Variants in ZNF518B observed in about 807,000 individuals in gnomAD.
ZNF518B encodes the protein zinc finger protein 518B.
Under a neutral mutation model 56.3 loss-of-function variants are expected in ZNF518B, and 23 were observed. That is an observed-to-expected ratio of 0.41 (90% CI 0.29 to 0.58). ZNF518B has a LOEUF of 0.58. Among genes scored for constraint, ZNF518B ranks in the 20% least tolerant of loss-of-function variants. The pLI, the probability that ZNF518B is intolerant of heterozygous loss-of-function variation, is 0.32. For synonymous variants in ZNF518B, 529 were observed against 465.9 expected, an observed-to-expected ratio of 1.14 and a Z score of -1.74; for missense variants, 1,460 against 1,272.1, an observed-to-expected ratio of 1.15 and a Z score of -2.25.
At chr4:10,450,569 C>T (rs1464982626) in intron 2 of ZNF518B, among the ~76,000 whole-genome samples, 6 of 152,170 alleles carry the variant, frequency 3.9e-5, no homozygotes, top group East Asian at 3.9e-4. Context: ...TGTGTAAAAG[C>T]CTCTCAGCCC....
intron 2 of ZNF518B, among the ~76,000 whole-genome samples, chr4:10,447,999 G>A (rs899676851): frequency 4.6e-5 from 7 of 152,106 alleles, no homozygotes; most frequent in Admixed American, 1.3e-4. Flanking sequence ...CCCAGAATAT[G>A]GCAAACTAGG....
chr4:10,460,130 C>A (rs1715696480), upstream of ZNF518B, among the ~76,000 whole-genome samples: 1 of 151,748 alleles, frequency 6.6e-6, no homozygotes, highest in Non-Finnish European at 1.5e-5. Flanking sequence ...CATGGTGAAG[C>A]CCCGCCTCTA....
chr4:10,441,603 C>T lies in ZNF518B; in HGVS notation c.*1501G>A, dbSNP rs919840065. Reference sequence around the variant, plus strand: ...AGGGAAATGCAAGTTGGGGCTGCCTCGGGGTTGTGCCATCTGTGCTCTACC... The same window carrying T: ...AGGGAAATGCAAGTTGGGGCTGCCTTGGGGTTGTGCCATCTGTGCTCTACC... On this transcript the variant is annotated 3_prime_UTR_variant, in exon 3 of 3. Transcript: ENST00000326756. 1 of 152,610 alleles carries T rather than the reference C, an allele frequency of 6.6e-6. No homozygotes were observed. 9.5% of individuals were successfully genotyped at this position (152,610 alleles called of 1,614,324 possible).
Position 10,444,992 on chromosome 4 carries a change from C to A in ZNF518B, c.1337G>T (p.Ser446Ile). ...RSYDFIMPNSSVHNNGKSFIN... is the reference protein window; with the variant it reads ...RSYDFIMPNSIVHNNGKSFIN... ...GAAGGATTTTCCATTGTTGTGCACACTAGAATTTGGCATAATAAAATCATA... is the reference window on the plus strand; with the variant it reads ...GAAGGATTTTCCATTGTTGTGCACAATAGAATTTGGCATAATAAAATCATA... Residue 446 changes from serine (S) to isoleucine (I), a missense_variant, in exon 3 of 3, where the codon AGT becomes ATT. Ser to Ile is a moderately radical substitution (Grantham distance 142). Transcript: ENST00000326756. The A allele has an allele frequency of 1.2e-6, 2 of 1,614,126 alleles. No individual in the cohort carries two copies. Among genetic ancestry groups the A allele is most frequent in the Non-Finnish European group, 1.7e-6 (2 of 1,180,018 alleles).
chr4:10,444,834 C>T lies in ZNF518B; in HGVS notation c.1495G>A (p.Gly499Arg), dbSNP rs747594359. Residue 499 changes from glycine (G) to arginine (R), a missense_variant, in exon 3 of 3, where the codon GGA (glycine) becomes AGA (arginine). Transcript: ENST00000326756. ...VFKNSVLRSL[G>R]AASNPFPYKA... Reference sequence around the variant, plus strand: ...TATGGAAAAGGGTTTGATGCAGCTCCAAGACTACGTAAAACACTGTTTTTA... The same window carrying T: ...TATGGAAAAGGGTTTGATGCAGCTCTAAGACTACGTAAAACACTGTTTTTA... 5.6e-6 allele frequency: 9 copies of T among 1,613,836 alleles called. No individual in the cohort carries two copies. The highest frequency in any genetic ancestry group is 7.6e-6 in the Non-Finnish European group (9 of 1,179,990).
At chr4:10,456,223 GTTCA>G (rs1228068842) in intron 1 of ZNF518B, among the ~76,000 whole-genome samples, 1 of 151,534 alleles carries the variant, frequency 6.6e-6, no homozygotes, top group African/African-American at 2.4e-5. Flanking sequence ...TTGATAAATC[GTTCA>G]TTATTACAAT....
In ZNF518B at chr4:10,441,943, T is replaced by C. The variant is rs948466901; in HGVS notation, c.*1161A>G. Reference sequence around the variant, plus strand: ...GTTCCTGTAACTTTAGCAAAAACAGTGGGAGGTCTCCATTTTGTTGATTCC... The same window carrying C: ...GTTCCTGTAACTTTAGCAAAAACAGCGGGAGGTCTCCATTTTGTTGATTCC... On this transcript the variant is annotated 3_prime_UTR_variant, in exon 3 of 3. Coordinates refer to ENST00000326756, the MANE Select transcript of ZNF518B (RefSeq NM_053042.3). 2.0e-5 allele frequency: 3 copies of C among 152,196 alleles called. No homozygotes were observed. The highest frequency in any genetic ancestry group is 4.8e-5 in the African/African-American group (2 of 41,452). 9.4% of individuals were successfully genotyped at this position (152,196 alleles called of 1,614,324 possible).
chr4:10,443,218 C>T lies in ZNF518B; in HGVS notation c.3111G>A (p.Lys1037=). Residue 1037 remains lysine, a synonymous_variant, in exon 3 of 3, where the codon AAG becomes AAA. Coordinates refer to ENST00000326756, the MANE Select transcript of ZNF518B (RefSeq NM_053042.3). ...LPDDSSQCVF[K]CWFCGRLYED... ...CATACAGTCGCCCACAAAACCAGCA[C>T]TTAAATACACACTGTGAAGAATCAT... 1 of 1,614,218 alleles carries T rather than the reference C, an allele frequency of 6.2e-7. No homozygotes were observed. Among genetic ancestry groups the T allele is most frequent in the Non-Finnish European group, 8.5e-7 (1 of 1,180,024 alleles).
upstream of ZNF518B, among the ~76,000 whole-genome samples, chr4:10,458,728 G>T (rs1715647816): frequency 6.6e-6 from 1 of 152,178 alleles, no homozygotes; most frequent in Admixed American, 6.5e-5. Context: ...CTATCAGAGA[G>T]AATATGCCAG....
chr4:10,445,117 CTT>C lies in ZNF518B; in HGVS notation c.1210_1211del (p.Lys404ValfsTer5), dbSNP rs757820904. 3 of 1,614,034 alleles carry C rather than the reference CTT, an allele frequency of 1.9e-6. No homozygotes were observed. The highest frequency in any genetic ancestry group is 2.5e-6 in the Non-Finnish European group (3 of 1,180,020). On this transcript the variant is annotated frameshift_variant, in exon 3 of 3. Transcript: ENST00000326756. LOFTEE classifies it high-confidence loss of function. ...CAACATTCCCGTCAACTGTCAGTGA[CTT>C]TGTTTTTTCTGCAGAAAGTACTTTT... ...QEKVLSAEKT[K>X]SLTVDGNVGK...
upstream of ZNF518B, among the ~76,000 whole-genome samples, chr4:10,460,677 G>A (rs1715719105): frequency 6.6e-6 from 1 of 152,178 alleles, no homozygotes; most frequent in Non-Finnish European, 1.5e-5. Context: ...GGGGAGCTTG[G>A]GGCTCAGAGG....
chr4:10,457,528 G>A (rs1012889927), upstream of ZNF518B: 1 of 152,248 alleles, frequency 6.6e-6, no homozygotes, highest in Admixed American at 6.5e-5. Flanking sequence ...GGGCTTCTAA[G>A]CTGTCCAGAG....
In ZNF518B at chr4:10,443,283, CTTT is replaced by C; in HGVS notation, c.3043_3045del (p.Lys1015del). On this transcript the variant is annotated inframe_deletion, in exon 3 of 3. Transcript: ENST00000326756. The stretch of plus-strand genomic sequence containing the variant: ...ACTACCTGGTAGTTGTTTTTATGAA[CTTT>C]TTTGAGTTTCATTTTCAACATCATT... 6.2e-7 allele frequency: 1 copy of C among 1,614,086 alleles called. No homozygotes were observed. The highest frequency in any genetic ancestry group is 8.5e-7 in the Non-Finnish European group (1 of 1,179,994).
At chr4:10,446,964 T>C (rs1003314767) in intron 2 of ZNF518B, among the ~76,000 whole-genome samples, 16 of 152,256 alleles carry the variant, frequency 1.1e-4, no homozygotes, top group Non-Finnish European at 1.3e-4. Context: ...GCTAGGGCTT[T>C]GGCCTGGGGT....
intron 2 of ZNF518B, chr4:10,451,687 C>T (rs1055923130): frequency 1.3e-5 from 2 of 152,160 alleles, no homozygotes; most frequent in East Asian, 1.9e-4. Context: ...TTTGGTTATA[C>T]CGCCCGAAAG....
chr4:10,451,807 A>G (rs1715325014), intron 2 of ZNF518B: 1 of 152,204 alleles, frequency 6.6e-6, no homozygotes, highest in Non-Finnish European at 1.5e-5. Context: ...TACTCACTAC[A>G]ATTTAGGTTT....
intron 1 of ZNF518B, among the ~76,000 whole-genome samples, chr4:10,455,790 GCT>G (rs1293590087): frequency 1.3e-5 from 2 of 152,128 alleles, no homozygotes. Flanking sequence ...ATTTTTGAAG[GCT>G]AAATTTGATC....
Position 10,442,956 on chromosome 4 carries a change from G to A in ZNF518B, c.*148C>T. ...GGTCCAATCACATACTTCAGGTTCA[G>A]ACTCCTAGCTCCCAATATTCCTACA... On this transcript the variant is annotated 3_prime_UTR_variant, in exon 3 of 3. Coordinates refer to ENST00000326756, the MANE Select transcript of ZNF518B (RefSeq NM_053042.3). 1.4e-6 allele frequency: 1 copy of A among 710,258 alleles called. No individual in the cohort carries two copies. The allele number at this position is 710,258 out of a possible 1,614,324, so 44.0% of individuals were successfully genotyped here.
At chr4:10,453,365 G>C (rs1000680758) in intron 2 of ZNF518B, 7 of 152,240 alleles carry the variant, frequency 4.6e-5, no homozygotes, top group African/African-American at 1.7e-4. Context: ...GAGTTCATTA[G>C]TCGGCAGGAA....
Sources: gnomAD v4.1 joint callset for allele counts (sites outside exome capture counted in the v4.1 genomes callset) on GRCh38, gnomAD v4.1.1 for gene constraint, MANE v1.5 for transcripts, NCBI Gene and HGNC (gene_info 2026-07-23, HGNC 2026-07-21) for gene names.